AGBL4: variants seen among roughly 807,000 people sequenced by gnomAD.
AGBL4 encodes the protein AGBL carboxypeptidase 4.
A neutral mutation model predicts 66.4 loss-of-function variants in AGBL4; 58 were observed. The ratio of observed to expected loss-of-function variants is 0.87; its 90% CI spans 0.71 to 1.09. The LOEUF is 1.09. AGBL4 is among the 50% of genes least tolerant of loss of function. AGBL4 has a pLI of 0.00. For missense variants in AGBL4, 579 were observed against 631.0 expected, an observed-to-expected ratio of 0.92 and a Z score of 0.88; for synonymous variants, 234 against 222.9, an observed-to-expected ratio of 1.05 and a Z score of -0.44.
intron 11 of AGBL4, among the ~76,000 whole-genome samples, chr1:48,570,471 G>A (rs1644543639): frequency 1.3e-5 from 2 of 152,206 alleles, no homozygotes; most frequent in Non-Finnish European, 2.9e-5. Flanking sequence ...TGGAATCCTG[G>A]GGCTTTGGGT....
chr1:50,009,843 T>C (rs1661404094), intron 1 of AGBL4, among the ~76,000 whole-genome samples: 1 of 152,218 alleles, frequency 6.6e-6, no homozygotes, highest in Non-Finnish European at 1.5e-5. Context: ...GTAGCATTTC[T>C]ATATGCCAAA....
At chr1:49,194,529 T>G (rs926023876) in intron 4 of AGBL4, among the ~76,000 whole-genome samples, 10 of 152,216 alleles carry the variant, frequency 6.6e-5, no homozygotes, top group African/African-American at 9.6e-5. Context: ...TTAATATTGA[T>G]ATGTGAGGTT....
intron 1 of AGBL4, among the ~76,000 whole-genome samples, chr1:49,970,867 G>A (rs1340104187): frequency 6.6e-6 from 1 of 151,844 alleles, no homozygotes; most frequent in Non-Finnish European, 1.5e-5. Context: ...AAGTTATAAT[G>A]TGACAGTAAG....
At chr1:48,822,575 C>T (rs77137404) in intron 6 of AGBL4, among the ~76,000 whole-genome samples, 5,536 of 152,276 alleles carry the variant, frequency 0.036, 330 homozygotes, top group African/African-American at 0.12. Context: ...CTCTACTCTG[C>T]TCTATTGATC....
At chr1:49,178,001 T>C (rs942782813) in intron 4 of AGBL4, among the ~76,000 whole-genome samples, 4 of 152,144 alleles carry the variant, frequency 2.6e-5, no homozygotes, top group Non-Finnish European at 5.9e-5. Flanking sequence ...GTTAGAGGGC[T>C]GTGGTGAACA....
At chr1:49,411,118 G>C (rs1475587759) in intron 3 of AGBL4, among the ~76,000 whole-genome samples, 1 of 152,160 alleles carries the variant, frequency 6.6e-6, no homozygotes, top group Non-Finnish European at 1.5e-5. Flanking sequence ...AAAAGCCTCA[G>C]AAGTAGGGAA....
chr1:49,931,734 CT>C (rs1186554641), intron 1 of AGBL4, among the ~76,000 whole-genome samples: 4 of 152,264 alleles, frequency 2.6e-5, no homozygotes, highest in African/African-American at 9.6e-5. Context: ...TAAAATTCCA[CT>C]GAGTATCATT....
intron 2 of AGBL4, among the ~76,000 whole-genome samples, chr1:49,698,438 A>G (rs1178149895): frequency 6.6e-6 from 1 of 152,104 alleles, no homozygotes; most frequent in Non-Finnish European, 1.5e-5. Context: ...AAATGAACTA[A>G]ACTATTTGAT....
intron 3 of AGBL4, among the ~76,000 whole-genome samples, chr1:49,368,765 C>T (rs988851072): frequency 1.3e-5 from 2 of 152,054 alleles, no homozygotes; most frequent in African/African-American, 4.8e-5. Context: ...ATTTAATTAC[C>T]ATTCTATACT....
At chr1:49,623,188 C>T (rs1189607337) in intron 3 of AGBL4, among the ~76,000 whole-genome samples, 1 of 152,126 alleles carries the variant, frequency 6.6e-6, no homozygotes, top group Admixed American at 6.5e-5. Flanking sequence ...TGCTGGTGAT[C>T]GCTCCACAAA....
At chr1:49,654,274 C>A (rs537838277) in intron 3 of AGBL4, among the ~76,000 whole-genome samples, 3 of 152,306 alleles carry the variant, frequency 2.0e-5, no homozygotes, top group African/African-American at 7.2e-5. Context: ...TTTGATTGCA[C>A]TGTGGTCTGA....
chr1:49,978,128 C>A (rs1318197543), intron 1 of AGBL4, among the ~76,000 whole-genome samples: 2 of 152,174 alleles, frequency 1.3e-5, no homozygotes, highest in Admixed American at 6.5e-5. Context: ...ATGGCCACTA[C>A]TTTTTGTTTA....
chr1:49,436,349 T>C (rs1206741910), intron 3 of AGBL4, among the ~76,000 whole-genome samples: 1 of 152,146 alleles, frequency 6.6e-6, no homozygotes, highest in African/African-American at 2.4e-5. Context: ...CAGAAAAACA[T>C]ATTGCTCACA....
intron 6 of AGBL4, among the ~76,000 whole-genome samples, chr1:48,714,358 C>T (rs1647014988): frequency 6.6e-6 from 1 of 152,198 alleles, no homozygotes; most frequent in South Asian, 2.1e-4. Flanking sequence ...CCAATGATAT[C>T]ACTGTCCACC....
intron 3 of AGBL4, among the ~76,000 whole-genome samples, chr1:49,389,458 G>A (rs1159791706): frequency 6.6e-6 from 1 of 152,108 alleles, no homozygotes; most frequent in Non-Finnish European, 1.5e-5. Context: ...AGAGGAAATT[G>A]AGGCTTGACT....
intron 1 of AGBL4, among the ~76,000 whole-genome samples, chr1:49,933,879 G>T (rs988472233): frequency 6.6e-6 from 1 of 151,978 alleles, no homozygotes; most frequent in Non-Finnish European, 1.5e-5. Flanking sequence ...AATCAGACAG[G>T]ACACAATTAA....
intron 1 of AGBL4, among the ~76,000 whole-genome samples, chr1:49,927,991 T>C (rs1652961251): frequency 6.6e-6 from 1 of 152,196 alleles, no homozygotes; most frequent in African/African-American, 2.4e-5. Flanking sequence ...ATATTGTACA[T>C]ATTAGATAGA....
intron 1 of AGBL4, among the ~76,000 whole-genome samples, chr1:49,964,990 T>C (rs778662870): frequency 5.9e-5 from 9 of 152,204 alleles, no homozygotes; most frequent in Admixed American, 1.3e-4. Flanking sequence ...TGATTATTAT[T>C]AGAAAGAGCA....
intron 3 of AGBL4, among the ~76,000 whole-genome samples, chr1:49,263,161 G>T (rs1022073033): frequency 5.3e-5 from 8 of 151,718 alleles, no homozygotes; most frequent in Non-Finnish European, 8.8e-5. Context: ...GTTGTGGGGT[G>T]GGGGGAGTGG....
Sources: gnomAD v4.1 joint callset for allele counts (sites outside exome capture counted in the v4.1 genomes callset) on GRCh38, gnomAD v4.1.1 for gene constraint, MANE v1.5 for transcripts, NCBI Gene and HGNC (gene_info 2026-07-23, HGNC 2026-07-21) for gene names.